Variants in ATAD2B observed in about 807,000 individuals in gnomAD.
ATAD2B encodes the protein ATPase family AAA domain-containing protein 2B.
In ATAD2B, 40 loss-of-function variants were observed where a neutral mutation model predicts 167.6. The ratio of observed to expected loss-of-function variants is 0.24; its 90% CI spans 0.19 to 0.31. The LOEUF is 0.31. ATAD2B is among the 10% of genes least tolerant of loss of function. ATAD2B has a pLI of 1.00. For missense variants in ATAD2B, 1,242 were observed against 1,757.2 expected (o/e 0.71, Z 5.24); for synonymous variants, 579 against 596.5 (o/e 0.97, Z 0.43).
At chr2:23,806,577 CTT>C (rs897756885) in intron 18 of ATAD2B, among the ~76,000 whole-genome samples, 4 of 151,070 alleles carry the variant, frequency 2.6e-5, no homozygotes, top group African/African-American at 9.7e-5. Flanking sequence ...AAACAGAACT[CTT>C]TTTTTTTAAC....
intron 21 of ATAD2B, among the ~76,000 whole-genome samples, 170 bp from the exon 22 acceptor site, chr2:23,783,198 A>T (rs1398576858): frequency 1.3e-5 from 2 of 151,914 alleles, no homozygotes; most frequent in East Asian, 3.9e-4. Flanking sequence ...ACTATCTGTC[A>T]TACTTTCCAT....
intron 18 of ATAD2B, among the ~76,000 whole-genome samples, chr2:23,807,820 A>ATATATATATATAT (rs779599879): frequency 1.5e-5 from 1 of 65,190 alleles, no homozygotes; most frequent in African/African-American, 5.4e-5. Flanking sequence ...CATCTTAAAA[A>ATATATATATATAT]AAAAAAAAAT....
chr2:23,883,959 C>T (rs183208182), intron 6 of ATAD2B, among the ~76,000 whole-genome samples: 1 of 151,994 alleles, frequency 6.6e-6, no homozygotes, highest in Non-Finnish European at 1.5e-5. Flanking sequence ...GCCTGGCCAA[C>T]AAGGCAAAAA....
chr2:23,883,473 T>C (rs1698255346), intron 6 of ATAD2B: 1 of 323,316 alleles, frequency 3.1e-6, no homozygotes, highest in Non-Finnish European at 5.5e-6. Flanking sequence ...TTTTGAAAAA[T>C]GTCTGTACAG....
intron 27 of ATAD2B, among the ~76,000 whole-genome samples, chr2:23,752,460 CATAAAT>C (rs1030060693): frequency 2.3e-4 from 35 of 149,904 alleles, no homozygotes; most frequent in African/African-American, 7.5e-4. Flanking sequence ...ATATAAAATA[CATAAAT>C]ATAAGTAAAT....
In ATAD2B at chr2:23,896,071, C is replaced by A. The variant is rs554474538; in HGVS notation, c.217-101G>T. ...GTGGCTCACTCCTGTAATCCCAGCA[C>A]TTTGGGTGGCCGAGGTGGGCGATCA... On this transcript the variant is annotated intron_variant, in intron 1 of 27. Transcript: ENST00000238789. 2,786 of 941,668 alleles carry A rather than the reference C, an allele frequency of 3.0e-3. 5 individuals carry two copies. Among genetic ancestry groups the A allele is most frequent in the Non-Finnish European group, 3.6e-3 (2,411 of 666,230 alleles). 58.3% of individuals were successfully genotyped at this position (941,668 alleles called of 1,614,324 possible).
chr2:23,855,721 T>A (rs1042391438), intron 13 of ATAD2B, among the ~76,000 whole-genome samples: 2 of 152,210 alleles, frequency 1.3e-5, no homozygotes, highest in Non-Finnish European at 1.5e-5. Flanking sequence ...AGACTCCGTC[T>A]CTACAACAAA....
Position 23,823,383 on chromosome 2 carries a change from A to T in ATAD2B, c.2006T>A (p.Met669Lys). The T allele has an allele frequency of 1.2e-6, 2 of 1,614,004 alleles. No individual in the cohort carries two copies. The highest frequency in any genetic ancestry group is 1.7e-6 in the Non-Finnish European group (2 of 1,179,880). ...NIVPASQRAV[M>K]SSGHALSPII... ...GGGGGATAGTGCATGCCCTGAAGAC[A>T]TCACAGCACGTTGGGAAGCAGGCAC... The change falls in exon 16 of 28, where the codon ATG becomes AAG. Residue 669 changes from methionine (M) to lysine (K), a missense_variant. Transcript: ENST00000238789.
At chr2:23,823,617 T>A (rs1338739291) in intron 15 of ATAD2B, 48 bp from the exon 16 acceptor site, 1 of 1,508,876 alleles carries the variant, frequency 6.6e-7, no homozygotes, top group Admixed American at 1.7e-5. Context: ...CATTATTCCA[T>A]GCACCAACTA....
At chr2:23,705,081 T>C in the ATAD2B span, among the ~76,000 whole-genome samples, 2 of 152,256 alleles carry the variant, frequency 1.3e-5, no homozygotes, top group African/African-American at 4.8e-5. Context: ...TTCCATGTCA[T>C]GTACCCTAAT....
At chr2:23,883,647 A>G in intron 6 of ATAD2B, 1 of 1,279,008 alleles carries the variant, frequency 7.8e-7, no homozygotes, top group Non-Finnish European at 1.0e-6. Context: ...TGTAACAACA[A>G]TAATATTTGC....
intron 19 of ATAD2B, among the ~76,000 whole-genome samples, chr2:23,795,595 A>G (rs1317910076): frequency 1.3e-5 from 2 of 152,158 alleles, no homozygotes; most frequent in Non-Finnish European, 2.9e-5. Context: ...AAAGAAAGCA[A>G]GCAGGCTAGG....
intron 19 of ATAD2B, among the ~76,000 whole-genome samples, chr2:23,793,181 T>C (rs991328937): frequency 6.6e-6 from 1 of 152,184 alleles, no homozygotes; most frequent in African/African-American, 2.4e-5. Context: ...AGAGAGACAA[T>C]GACAAGAAAC....
At chr2:23,830,431 G>C (rs974823059) in intron 14 of ATAD2B, among the ~76,000 whole-genome samples, 1 of 152,180 alleles carries the variant, frequency 6.6e-6, no homozygotes, top group Non-Finnish European at 1.5e-5. Flanking sequence ...GAGTATGCTT[G>C]TTCCCTCAAC....
chr2:23,678,225 G>A, the ATAD2B span, among the ~76,000 whole-genome samples: 1 of 152,196 alleles, frequency 6.6e-6, no homozygotes, highest in Admixed American at 6.5e-5. Flanking sequence ...TCCAGCCCCA[G>A]GCAGAGCCTC....
chr2:23,749,439 A>G lies in ATAD2B; in HGVS notation c.*2607T>C, dbSNP rs1261005760. On this transcript the variant is annotated 3_prime_UTR_variant, in exon 28 of 28. Transcript: ENST00000238789. ...ATATTTTTGCCAATGCTATACAGCA[A>G]AAATGAAAAACTTACAGAAAGGTAA... The G allele has an allele frequency of 1.3e-5, 2 of 152,228 alleles. No individual in the cohort carries two copies. The highest frequency in any genetic ancestry group is 4.8e-5 in the African/African-American group (2 of 41,468). The allele number at this position is 152,228 out of a possible 1,614,324, so 9.4% of individuals were successfully genotyped here.
intron 3 of ATAD2B, 89 bp downstream of exon 3, chr2:23,888,261 A>C (rs889267051): frequency 2.2e-6 from 2 of 926,650 alleles, no homozygotes; most frequent in Non-Finnish European, 3.3e-6. Flanking sequence ...TCAGCACACT[A>C]TTAAATCACT....
At chr2:23,906,065 G>A (rs113390436) in intron 1 of ATAD2B, among the ~76,000 whole-genome samples, 164 of 152,212 alleles carry the variant, frequency 1.1e-3, no homozygotes, top group African/African-American at 3.4e-3. Context: ...GGCTGGGTGC[G>A]GTGGCTCACA....
chr2:23,869,131 C>T (rs1695561441), intron 9 of ATAD2B, among the ~76,000 whole-genome samples: 1 of 152,138 alleles, frequency 6.6e-6, no homozygotes, highest in South Asian at 2.1e-4. Context: ...ATTATTTACT[C>T]CTCCACTGAA....
Sources: gnomAD v4.1 joint callset for allele counts (sites outside exome capture counted in the v4.1 genomes callset) on GRCh38, gnomAD v4.1.1 for gene constraint, MANE v1.5 for transcripts, NCBI Gene and HGNC (gene_info 2026-07-23, HGNC 2026-07-21) for gene names.